The following PDE1C variants were observed in gnomAD, a reference collection of about 807,000 sequenced individuals.
PDE1C encodes the protein phosphodiesterase 1C.
In PDE1C, 62 loss-of-function variants were observed where a neutral mutation model predicts 93.1. That is an observed-to-expected ratio of 0.67 (90% CI 0.54 to 0.82). The LOEUF is 0.82. Among genes scored for constraint, PDE1C ranks in the 40% least tolerant of loss-of-function variants. The pLI is 0.00. For synonymous variants in PDE1C, 325 were observed against 310.1 expected (o/e 1.05, Z -0.50); for missense variants, 742 against 884.6 (o/e 0.84, Z 2.04).
intron 3 of PDE1C, among the ~76,000 whole-genome samples, chr7:32,097,316 T>C (rs1797805935): frequency 6.6e-6 from 1 of 152,150 alleles, no homozygotes; most frequent in African/African-American, 2.4e-5. Context: ...TATCACAACA[T>C]TTAAATATAG....
chr7:31,961,143 T>C (rs143230151), intron 2 of PDE1C, among the ~76,000 whole-genome samples: 1 of 152,248 alleles, frequency 6.6e-6, no homozygotes, highest in East Asian at 1.9e-4. Context: ...TAATCTAGCT[T>C]AGTTTATATT....
intron 2 of PDE1C, among the ~76,000 whole-genome samples, chr7:31,907,968 G>A (rs1800796887): frequency 6.6e-6 from 1 of 152,010 alleles, no homozygotes; most frequent in Non-Finnish European, 1.5e-5. Flanking sequence ...AAAAAAAAGG[G>A]AGGGGCAGGG....
chr7:32,123,548 A>G (rs549339314), intron 3 of PDE1C, among the ~76,000 whole-genome samples: 1 of 152,362 alleles, frequency 6.6e-6, no homozygotes, highest in South Asian at 2.1e-4. Flanking sequence ...AGGCTGGTTA[A>G]ACATATGCAA....
intron 2 of PDE1C, among the ~76,000 whole-genome samples, chr7:31,899,200 G>A (rs1020790205): frequency 2.1e-5 from 3 of 145,244 alleles, no homozygotes; most frequent in Admixed American, 7.1e-5. Flanking sequence ...GTGCAGTGGC[G>A]CACTCTTGGC....
intron 2 of PDE1C, among the ~76,000 whole-genome samples, chr7:31,974,622 G>A (rs1422989067): frequency 7.0e-6 from 1 of 143,482 alleles, no homozygotes; most frequent in Non-Finnish European, 1.5e-5. Flanking sequence ...AACCTTAATG[G>A]ATAAAAGGCA....
rs147966533 is a variant in PDE1C at position 31,985,001 on chromosome 7, G to A, written c.128+66553C>T. Reference sequence around the variant, plus strand: ...GCCTTAGCTACTCTGAAGGAAACACGACCTTTCCTCAAAGTAAAAGAGAGC... The same window carrying A: ...GCCTTAGCTACTCTGAAGGAAACACAACCTTTCCTCAAAGTAAAAGAGAGC... On this transcript the variant is annotated intron_variant, in intron 2 of 17. Coordinates refer to ENST00000396191, the MANE Select transcript of PDE1C (RefSeq NM_001191057.4). Among the ~76,000 whole-genome samples the A allele has an allele frequency of 1.6e-3, 244 of 152,190 alleles. 3 individuals carry two copies. Among genetic ancestry groups the A allele is most frequent in the Non-Finnish European group, 2.1e-4 (14 of 68,014 alleles).
intron 2 of PDE1C, among the ~76,000 whole-genome samples, chr7:31,942,476 A>G (rs1252915036): frequency 1.3e-5 from 2 of 152,138 alleles, no homozygotes; most frequent in Non-Finnish European, 2.9e-5. Flanking sequence ...GAATTCCCAG[A>G]AGAAATATAC....
intron 3 of PDE1C, among the ~76,000 whole-genome samples, chr7:32,160,701 G>A (rs1345296512): frequency 6.6e-6 from 1 of 152,054 alleles, no homozygotes; most frequent in Non-Finnish European, 1.5e-5. Context: ...AATTAGCTGG[G>A]CGTGAGGCTG....
rs544755049 is a variant in PDE1C, at chr7:31,753,558, C to A, written c.1961-5G>T. ...GACGCAAAGGAGGCTTGATGACTGG[C>A]GGCCATGGAAAGGAAGACAGACAAC... On this transcript the variant is annotated splice_polypyrimidine_tract_variant and splice_region_variant and intron_variant, in intron 17 of 17. Transcript: ENST00000396191. The A allele has an allele frequency of 6.2e-6, 10 of 1,605,540 alleles. No individual in the cohort carries two copies. The African/African-American group carries it at 9.4e-5, about 15-fold the overall frequency.
chr7:32,206,165 C>G (rs142445992), intron 2 of PDE1C, among the ~76,000 whole-genome samples: 1 of 152,052 alleles, frequency 6.6e-6, no homozygotes, highest in African/African-American at 2.4e-5. Context: ...ATGGTGGCTG[C>G]TGGGGACTCT....
intron 2 of PDE1C, among the ~76,000 whole-genome samples, chr7:32,029,989 A>G (rs533218960): frequency 1.3e-5 from 2 of 152,134 alleles, no homozygotes; most frequent in East Asian, 3.9e-4. Context: ...TAAACTTTTT[A>G]AAAAGAGGTA....
At chr7:32,342,248 T>C (rs1783772371) in intron 1 of PDE1C, among the ~76,000 whole-genome samples, 1 of 152,204 alleles carries the variant, frequency 6.6e-6, no homozygotes, top group Non-Finnish European at 1.5e-5. Context: ...AATTCTGCTC[T>C]CAGCAAGCTT....
intron 2 of PDE1C, among the ~76,000 whole-genome samples, chr7:31,989,183 G>A (rs1783851230): frequency 6.6e-6 from 1 of 151,898 alleles, no homozygotes; most frequent in Non-Finnish European, 1.5e-5. Flanking sequence ...ATGATATTTT[G>A]GACTTTACTT....
At chr7:32,289,700 A>G (rs1812214910) in intron 1 of PDE1C, among the ~76,000 whole-genome samples, 1 of 152,146 alleles carries the variant, frequency 6.6e-6, no homozygotes, top group South Asian at 2.1e-4. Context: ...TGAGCAAGTC[A>G]CTTCTCCATC....
chr7:31,652,146 T>C, the PDE1C span: 1 of 943,978 alleles, frequency 1.1e-6, no homozygotes, highest in Non-Finnish European at 1.6e-6. Flanking sequence ...TTTCAGAATC[T>C]AGGTTTACAT....
chr7:32,037,321 G>A (rs1298879177), intron 2 of PDE1C, among the ~76,000 whole-genome samples: 2 of 151,990 alleles, frequency 1.3e-5, no homozygotes, highest in Admixed American at 1.3e-4. Context: ...AGCCCTTAGG[G>A]GAGTGATAAT....
intron 1 of PDE1C, among the ~76,000 whole-genome samples, chr7:32,341,336 C>T (rs1338552846): frequency 1.3e-5 from 2 of 149,188 alleles, no homozygotes; most frequent in African/African-American, 2.5e-5. Flanking sequence ...CTACCACGCC[C>T]GGCTAATTTT....
chr7:32,327,217 ACT>A (rs967264191), intron 1 of PDE1C, among the ~76,000 whole-genome samples: 56 of 152,162 alleles, frequency 3.7e-4, no homozygotes, highest in Admixed American at 1.8e-3. Flanking sequence ...CTACTGCAAT[ACT>A]CTCTCACTTT....
chr7:31,767,213 C>T (rs771575504), intron 17 of PDE1C, among the ~76,000 whole-genome samples: 1 of 152,054 alleles, frequency 6.6e-6, no homozygotes, highest in Non-Finnish European at 1.5e-5. Flanking sequence ...ACATTCTCTT[C>T]GTTTATTGTT....
Sources: allele counts gnomAD v4.1 joint callset (sites outside exome capture counted in the v4.1 genomes callset), GRCh38; gene constraint gnomAD v4.1.1; transcripts MANE v1.5; gene names NCBI Gene and HGNC (gene_info 2026-07-23, HGNC 2026-07-21).